EFR3B: variants seen among roughly 807,000 people sequenced by gnomAD.
The protein encoded by EFR3B is EFR3 homolog B.
A neutral mutation model predicts 104.7 loss-of-function variants in EFR3B; 64 were observed. The observed-to-expected ratio is 0.61, with a 90% CI of 0.50 to 0.75. The LOEUF (loss-of-function observed/expected upper bound fraction) is 0.75. EFR3B is among the 30% of genes least tolerant of loss of function. The pLI, the probability that EFR3B is intolerant of heterozygous loss-of-function variation, is 0.00. For synonymous variants in EFR3B, 385 were observed against 417.9 expected, an observed-to-expected ratio of 0.92 and a Z score of 0.96; for missense variants, 750 against 1,078.5, an observed-to-expected ratio of 0.70 and a Z score of 4.27.
rs534461858 is a variant in EFR3B at position 25,130,832 on chromosome 2, A to G, written c.849+202A>G. The stretch of plus-strand genomic sequence containing the variant: ...CATCACAGACCAATACTTTTATAAA[A>G]TACAATTAAAACAAATAATTTCTAG... On this transcript the variant is annotated intron_variant, in intron 8 of 22. Transcript: ENST00000403714. The surrounding 1 kb of genome is among the most constrained non-coding windows in gnomAD (Gnocchi z 4.6). Among the ~76,000 whole-genome samples the G allele has an allele frequency of 5.3e-5, 8 of 152,372 alleles. No homozygotes were observed. Among genetic ancestry groups the G allele is most frequent in the African/African-American group, 1.9e-4 (8 of 41,596 alleles).
At chr2:25,120,530 G>A (rs1669983822) in intron 4 of EFR3B, among the ~76,000 whole-genome samples, 1 of 152,118 alleles carries the variant, frequency 6.6e-6, no homozygotes, top group South Asian at 2.1e-4. Flanking sequence ...TGTAGTCCCA[G>A]CTACCCAGGA....
At position 25,094,797 on chromosome 2, in the gene EFR3B, A is replaced by T. The variant is rs186724945; in HGVS notation, c.212+1667A>T. ...TTTTATTATTTACTTATTTATTATT[A>T]TTATTTTTTTAAGACAAGGTCTTGC... On this transcript the variant is annotated intron_variant, in intron 3 of 22. Transcript: ENST00000403714. Among the ~76,000 whole-genome samples the T allele has an allele frequency of 3.7e-3, 555 of 151,736 alleles. 4 individuals are homozygous for T. The highest frequency in any genetic ancestry group is 0.013 in the African/African-American group (531 of 41,310).
intron 1 of EFR3B, among the ~76,000 whole-genome samples, chr2:25,059,201 C>T (rs964401034): frequency 2.6e-5 from 4 of 151,650 alleles, no homozygotes; most frequent in Non-Finnish European, 5.9e-5. Context: ...CAGCCTCCGC[C>T]TCCTGGGACC....
In EFR3B at chr2:25,136,722, C is replaced by A; in HGVS notation, c.1560+124C>A. Reference sequence around the variant, plus strand: ...CTTGAGGTGGGGAGCTCGAGACCAGCCAGACCAACATGGTAAAATCCCATC... The same window carrying A: ...CTTGAGGTGGGGAGCTCGAGACCAGACAGACCAACATGGTAAAATCCCATC... On this transcript the variant is annotated intron_variant, in intron 14 of 22. Coordinates refer to ENST00000403714, the MANE Select transcript of EFR3B (RefSeq NM_014971.2). This position sits in a 1 kb window ranked among gnomAD's most constrained non-coding sequence, Gnocchi z 4.0. 1 of 746,894 alleles carries A rather than the reference C, an allele frequency of 1.3e-6. No homozygotes were observed. Among genetic ancestry groups the A allele is most frequent in the Non-Finnish European group, 2.2e-6 (1 of 452,144 alleles). 46.3% of individuals were successfully genotyped at this position (746,894 alleles called of 1,614,324 possible).
At chr2:25,095,097 A>G (rs1669241682) in intron 3 of EFR3B, among the ~76,000 whole-genome samples, 1 of 152,080 alleles carries the variant, frequency 6.6e-6, no homozygotes, top group Non-Finnish European at 1.5e-5. Flanking sequence ...GGCCCCAAGG[A>G]ATCAATCTTA....
intron 6 of EFR3B, 84 bp from the exon 7 acceptor site, chr2:25,129,891 G>A: frequency 1.3e-6 from 2 of 1,496,610 alleles, no homozygotes; most frequent in Middle Eastern, 2.4e-4. Flanking sequence ...GTCTTGTGTG[G>A]ATGAAACACG....
At chr2:25,092,963 T>C in intron 2 of EFR3B, 40 bp from the exon 3 acceptor site, 1 of 1,537,874 alleles carries the variant, frequency 6.5e-7, no homozygotes, top group South Asian at 1.2e-5. Flanking sequence ...CGTCTAGCCA[T>C]AGTGTGGCCA....
In EFR3B at chr2:25,114,168, C is replaced by G. The variant is rs986659982; in HGVS notation, c.364-7505C>G. ...CCCCCGGGAAAAACCCCATCAGACC[C>G]TCTGAATCACTGTCACCAAAATTTC... On this transcript the variant is annotated intron_variant, in intron 4 of 22. Coordinates refer to ENST00000403714, the MANE Select transcript of EFR3B (RefSeq NM_014971.2). This position sits in a 1 kb window ranked among gnomAD's most constrained non-coding sequence, Gnocchi z 4.0. Among the ~76,000 whole-genome samples the G allele has an allele frequency of 3.3e-5, 5 of 152,192 alleles. No homozygotes were observed. Among genetic ancestry groups the G allele is most frequent in the Non-Finnish European group, 4.4e-5 (3 of 68,032 alleles).
intron 4 of EFR3B, among the ~76,000 whole-genome samples, chr2:25,116,851 T>C (rs1669874273): frequency 6.6e-6 from 1 of 152,152 alleles, no homozygotes; most frequent in African/African-American, 2.4e-5. Flanking sequence ...TTACCACTTA[T>C]GTTTTCTACC....
intron 1 of EFR3B, among the ~76,000 whole-genome samples, chr2:25,046,424 G>T (rs1384498385): frequency 6.6e-6 from 1 of 151,618 alleles, no homozygotes; most frequent in Non-Finnish European, 1.5e-5. Context: ...GTGCTTGACG[G>T]AATCCTATTT....
Position 25,131,425 on chromosome 2 carries a change from C to T in EFR3B, c.907C>T (p.Arg303Cys), listed in dbSNP as rs1670329828. ...CCTGGGCCACCTGGACGCCAACAGC[C>T]GCAGCGCTGCGACGGTGCGCGCGGG... is the stretch of plus-strand genomic sequence containing the variant. The part of the protein sequence containing the change: ...QLLGHLDANS[R>C]SAATVRAGIV... Residue 303 changes from arginine (R) to cysteine (C), a missense_variant, in exon 9 of 23, where the codon CGC becomes TGC. Transcript: ENST00000403714. This position sits in a 1 kb window ranked among gnomAD's most constrained non-coding sequence, Gnocchi z 7.6. The T allele has an allele frequency of 6.4e-7, 1 of 1,550,866 alleles. No homozygotes were observed. Among genetic ancestry groups the T allele is most frequent in the Non-Finnish European group, 8.7e-7 (1 of 1,146,872 alleles).
In EFR3B at chr2:25,052,976, C is replaced by T. The variant is rs1016162148; in HGVS notation, c.7+10657C>T. Among the ~76,000 whole-genome samples the T allele has an allele frequency of 2.6e-5, 4 of 152,146 alleles. No homozygotes were observed. In the South Asian group the frequency reaches 8.3e-4, roughly 32 times the overall value. On this transcript the variant is annotated intron_variant, in intron 1 of 22. Coordinates refer to ENST00000403714, the MANE Select transcript of EFR3B (RefSeq NM_014971.2). Reference sequence around the variant, plus strand: ...GTTTAATAACTTCTCCATGGCCACCCAGTTATGTGAAAAGTCTGGGATTTG... The same window carrying T: ...GTTTAATAACTTCTCCATGGCCACCTAGTTATGTGAAAAGTCTGGGATTTG...
At chr2:25,065,079 C>CGGG (rs140212016) in intron 1 of EFR3B, among the ~76,000 whole-genome samples, 1 of 151,270 alleles carries the variant, frequency 6.6e-6, no homozygotes, top group African/African-American at 2.4e-5. Flanking sequence ...TCCCACCTGG[C>CGGG]GGGGGGGGCG....
chr2:25,067,990 C>A (rs1341290688), intron 1 of EFR3B, among the ~76,000 whole-genome samples: 1 of 152,148 alleles, frequency 6.6e-6, no homozygotes, highest in South Asian at 2.1e-4. Flanking sequence ...TTTCCAGTCC[C>A]CTATGGATGA....
At chr2:25,050,036 A>G (rs1463993359) in intron 1 of EFR3B, among the ~76,000 whole-genome samples, 1 of 151,082 alleles carries the variant, frequency 6.6e-6, no homozygotes, top group Non-Finnish European at 1.5e-5. Context: ...AGGCTGAGGT[A>G]GGAGAATCAC....
intron 4 of EFR3B, among the ~76,000 whole-genome samples, chr2:25,120,824 T>G (rs6731946): frequency 0.1 from 15,383 of 152,270 alleles, 1,869 homozygotes; most frequent in African/African-American, 0.3. Context: ...CTGCCCAGGA[T>G]GCCGATCAAG....
In EFR3B at chr2:25,131,455, G is replaced by T. The variant is rs1256403529; in HGVS notation, c.937G>T (p.Val313Leu). 1.3e-6 allele frequency: 2 copies of T among 1,550,682 alleles called. No homozygotes were observed. The highest frequency in any genetic ancestry group is 1.7e-6 in the Non-Finnish European group (2 of 1,146,870). Residue 313 changes from valine (V) to leucine (L), a missense_variant, in exon 9 of 23, where the codon GTG becomes TTG. Transcript: ENST00000403714. The surrounding 1 kb of genome is among the most constrained non-coding windows in gnomAD (Gnocchi z 7.6). ...CGCTGCGACGGTGCGCGCGGGCATC[G>T]TGGAAGTCTTGTCGGAAGCCGCGGT... ...RSAATVRAGIVEVLSEAAVIA... is the reference protein window; with the variant it reads ...RSAATVRAGILEVLSEAAVIA...
chr2:25,143,607 C>A, intron 17 of EFR3B, 128 bp from the exon 18 acceptor site: 1 of 1,199,336 alleles, frequency 8.3e-7, no homozygotes, highest in Non-Finnish European at 1.1e-6. Context: ...TTGCAATGAG[C>A]CGAGATCGCA....
intron 1 of EFR3B, among the ~76,000 whole-genome samples, chr2:25,065,346 ATTTTTTTTTTTTTTT>A (rs749717958): frequency 4.3e-5 from 4 of 93,362 alleles, no homozygotes; most frequent in Non-Finnish European, 6.1e-5. Context: ...ACACCCAGCT[ATTTTTTTTTTTTTTT>A]TTTTTTTTTG....
Sources: gnomAD v4.1 joint callset for allele counts (sites outside exome capture counted in the v4.1 genomes callset) on GRCh38, gnomAD v4.1.1 for gene constraint, Gnocchi (gnomAD v3.1) non-coding constraint, MANE v1.5 for transcripts, NCBI Gene and HGNC (gene_info 2026-07-23, HGNC 2026-07-21) for gene names.